Variants in CDH18 observed in about 807,000 individuals in gnomAD.
The protein encoded by CDH18 is cadherin-18.
CDH18 carries 31 observed loss-of-function variants against 67.9 expected under a neutral mutation model. The observed-to-expected ratio is 0.46, with a 90% CI of 0.34 to 0.62. The LOEUF (loss-of-function observed/expected upper bound fraction) is 0.62, where lower values mean the gene tolerates loss of function less well. Ranked by LOEUF, CDH18 falls within the 20% of genes least tolerant of loss-of-function variation. The pLI is 0.01. For missense variants in CDH18, 890 were observed against 975.5 expected, an observed-to-expected ratio of 0.91 and a Z score of 1.17; for synonymous variants, 362 against 347.2, an observed-to-expected ratio of 1.04 and a Z score of -0.48.
chr5:19,904,253 G>T (rs749105025), intron 2 of CDH18, among the ~76,000 whole-genome samples: 5 of 150,334 alleles, frequency 3.3e-5, no homozygotes, highest in Non-Finnish European at 5.9e-5. Flanking sequence ...CAGCCTGGGC[G>T]ACAGTTAGAC....
intron 7 of CDH18, among the ~76,000 whole-genome samples, chr5:19,579,140 T>C (rs1022084255): frequency 1.3e-5 from 2 of 152,022 alleles, no homozygotes; most frequent in Admixed American, 1.3e-4. Context: ...ACTTTATCTA[T>C]CACAGACTGA....
chr5:19,591,509 TACAG>T (rs1423711302), intron 6 of CDH18, among the ~76,000 whole-genome samples: 4 of 152,114 alleles, frequency 2.6e-5, no homozygotes, highest in South Asian at 2.1e-4. Flanking sequence ...ACCCTTAAGC[TACAG>T]ACAATTAGAA....
rs937596854 is a variant in CDH18 at position 20,060,860 on chromosome 5, C to T, written c.-517-68846G>A. 2.0e-4 allele frequency among the ~76,000 whole-genome samples: 31 copies of T among 151,502 alleles called. 1 individual carries two copies. The highest frequency in any genetic ancestry group is 1.7e-3 in the Admixed American group (26 of 15,220). The stretch of plus-strand genomic sequence containing the variant: ...TATAATAAATGGCTCTGAAAGAAAA[C>T]AACAATTTTCTAGAAAACCTGCTTT... On this transcript the variant is annotated intron_variant, in intron 2 of 14. Transcript: ENST00000507958.
In CDH18 at chr5:20,464,141, CAA is replaced by C. The variant is rs143321720; in HGVS notation, c.-580+111319_-580+111320del. Among the ~76,000 whole-genome samples the C allele has an allele frequency of 4.1e-3, 622 of 152,162 alleles. 2 individuals carry two copies. The highest frequency in any genetic ancestry group is 0.014 in the African/African-American group (563 of 41,522). On this transcript the variant is annotated intron_variant, in intron 1 of 14. Coordinates refer to the CDH18 transcript ENST00000507958. ...ATGAGGCTGACACACACAAAAAACT[CAA>C]GTTTATAAGCAACAACAGTATCTAA...
chr5:20,304,612 G>GA (rs1190805888), intron 1 of CDH18: 1 of 1,611,878 alleles, frequency 6.2e-7, no homozygotes, highest in East Asian at 2.2e-5. Flanking sequence ...GCCCAAAACA[G>GA]AGCTATCAAC....
At chr5:20,554,530 A>G (rs536458556) in intron 1 of CDH18, among the ~76,000 whole-genome samples, 6 of 152,288 alleles carry the variant, frequency 3.9e-5, no homozygotes, top group Admixed American at 1.3e-4. Context: ...ATCTAATGAC[A>G]TTTTTAGAAA....
At chr5:20,551,855 ATTC>A (rs1757650788) in intron 1 of CDH18, among the ~76,000 whole-genome samples, 1 of 152,076 alleles carries the variant, frequency 6.6e-6, no homozygotes, top group Admixed American at 6.6e-5. Flanking sequence ...TTCTTAAAAT[ATTC>A]TTCTTAGTTA....
At chr5:20,305,461 C>G (rs1232315305) in intron 1 of CDH18, 1 of 1,421,628 alleles carries the variant, frequency 7.0e-7, no homozygotes, top group Non-Finnish European at 9.9e-7. Flanking sequence ...TTTCGAACCT[C>G]CTCAGCGGCC....
At chr5:19,543,554 T>A (rs535730259) in intron 9 of CDH18, among the ~76,000 whole-genome samples, 20 of 152,272 alleles carry the variant, frequency 1.3e-4, no homozygotes, top group Admixed American at 4.6e-4. Context: ...GACTTGATAG[T>A]GTAAGTAAGG....
intron 2 of CDH18, among the ~76,000 whole-genome samples, chr5:20,244,937 T>C (rs1002892676): frequency 6.6e-6 from 1 of 152,118 alleles, no homozygotes; most frequent in Non-Finnish European, 1.5e-5. Flanking sequence ...ACAGATTTAA[T>C]GTCTGAGTTT....
rs550353060 is a variant in CDH18, at chr5:19,648,617, T to C, written c.644-36016A>G. Among the ~76,000 whole-genome samples the C allele has an allele frequency of 3.9e-5, 6 of 152,258 alleles. No homozygotes were observed. In the South Asian group the frequency reaches 8.3e-4, roughly 21 times the overall value. Reference sequence around the variant, plus strand: ...TGTCTTTTACCTCTTAGCTATTCTATTGATGTTCACAGCTTTTTTGTACAT... The same window carrying C: ...TGTCTTTTACCTCTTAGCTATTCTACTGATGTTCACAGCTTTTTTGTACAT... On this transcript the variant is annotated intron_variant, in intron 5 of 12. Coordinates refer to ENST00000382275, the MANE Select transcript of CDH18 (RefSeq NM_004934.5).
At chr5:20,422,033 T>C (rs1487221088) in intron 1 of CDH18, among the ~76,000 whole-genome samples, 1 of 151,072 alleles carries the variant, frequency 6.6e-6, no homozygotes, top group Non-Finnish European at 1.5e-5. Context: ...ATTTTTATAG[T>C]AATGACACAT....
At chr5:19,707,107 C>T (rs771834849) in intron 5 of CDH18, among the ~76,000 whole-genome samples, 3 of 152,098 alleles carry the variant, frequency 2.0e-5, no homozygotes, top group African/African-American at 7.2e-5. Flanking sequence ...TGGGCACCAT[C>T]GAGACATCTA....
At chr5:20,117,743 T>G (rs1748038361) in intron 2 of CDH18, among the ~76,000 whole-genome samples, 1 of 152,218 alleles carries the variant, frequency 6.6e-6, no homozygotes, top group South Asian at 2.1e-4. Context: ...CTTGATTAAA[T>G]GGCAATTATG....
chr5:20,573,991 A>G (rs1180224325), intron 1 of CDH18, among the ~76,000 whole-genome samples: 2 of 148,890 alleles, frequency 1.3e-5, no homozygotes, highest in South Asian at 2.1e-4. Flanking sequence ...GACTCAATTT[A>G]AAAACAAAAA....
At chr5:19,666,203 G>A (rs1757898282) in intron 5 of CDH18, among the ~76,000 whole-genome samples, 1 of 150,438 alleles carries the variant, frequency 6.6e-6, no homozygotes, top group Non-Finnish European at 1.5e-5. Flanking sequence ...CTGACTGGCT[G>A]AAACCACAGT....
At chr5:19,866,079 T>C (rs1785455725) in intron 2 of CDH18, among the ~76,000 whole-genome samples, 1 of 152,178 alleles carries the variant, frequency 6.6e-6, no homozygotes, top group Non-Finnish European at 1.5e-5. Flanking sequence ...GCCCTGCTCA[T>C]TGTTTAAGGC....
intron 9 of CDH18, among the ~76,000 whole-genome samples, chr5:19,538,576 A>G (rs2127038621): frequency 6.6e-6 from 1 of 152,308 alleles, no homozygotes; most frequent in East Asian, 1.9e-4. Context: ...TAAATAACAA[A>G]ATAAACGTTA....
intron 2 of CDH18, among the ~76,000 whole-genome samples, chr5:20,022,001 G>A (rs1041788869): frequency 1.8e-4 from 27 of 152,176 alleles, no homozygotes; most frequent in Admixed American, 1.2e-3. Flanking sequence ...AAACTACAAC[G>A]CAATTGACTT....
Sources: gnomAD v4.1 joint callset for allele counts (sites outside exome capture counted in the v4.1 genomes callset) on GRCh38, gnomAD v4.1.1 for gene constraint, MANE v1.5 for transcripts, NCBI Gene and HGNC (gene_info 2026-07-23, HGNC 2026-07-21) for gene names.